NCBP1: variants seen among roughly 807,000 people sequenced by gnomAD.
NCBP1 encodes nuclear cap binding protein subunit 1, also known as nuclear cap-binding protein subunit 1.
A neutral mutation model predicts 111.7 loss-of-function variants in NCBP1; 16 were observed. That is an observed-to-expected ratio of 0.14 (90% CI 0.10 to 0.22). The LOEUF (loss-of-function observed/expected upper bound fraction) is 0.22, where lower values mean the gene tolerates loss of function less well. Among genes scored for constraint, NCBP1 ranks in the 10% least tolerant of loss-of-function variants. The probability of loss-of-function intolerance (pLI) is 1.00; values close to 1 mark genes in which losing one functional copy is unlikely to be tolerated. For missense variants in NCBP1, 607 were observed against 957.5 expected (o/e 0.63, Z 4.83); for synonymous variants, 304 against 314.3 (o/e 0.97, Z 0.35).
intron 16 of NCBP1, 105 bp from the exon 17 acceptor site, chr9:97,661,937 A>G: frequency 1.6e-6 from 1 of 612,654 alleles, no homozygotes; most frequent in Middle Eastern, 3.7e-4. Flanking sequence ...CATTACACAA[A>G]TATCTGTGTA....
At chr9:97,651,226 C>A in intron 9 of NCBP1, 84 bp from the exon 10 acceptor site, 2 of 1,144,902 alleles carry the variant, frequency 1.7e-6, no homozygotes, top group Non-Finnish European at 2.5e-6. Flanking sequence ...TTGCTTATAT[C>A]TAAACACATT....
At chr9:97,663,977 G>A (rs955492558) in intron 18 of NCBP1, among the ~76,000 whole-genome samples, 1 of 151,480 alleles carries the variant, frequency 6.6e-6, no homozygotes, top group Non-Finnish European at 1.5e-5. Flanking sequence ...CCAGGAGTTC[G>A]AGACCAGCCT....
chr9:97,650,126 A>G (rs918414290), intron 8 of NCBP1, among the ~76,000 whole-genome samples: 3 of 152,184 alleles, frequency 2.0e-5, no homozygotes, highest in African/African-American at 7.2e-5. Context: ...TTTTATGGCT[A>G]TGTGGTGTTT....
intron 13 of NCBP1, 113 bp from the exon 14 acceptor site, chr9:97,655,898 A>G (rs1193045893): frequency 3.0e-6 from 4 of 1,331,810 alleles, no homozygotes; most frequent in South Asian, 1.3e-5. Context: ...TACAAGTGCA[A>G]TTATAACTTA....
In NCBP1 at chr9:97,668,983, G is replaced by C; in HGVS notation, c.2145+9G>C. On this transcript the variant is annotated intron_variant, in intron 21 of 22. Coordinates refer to ENST00000375147, the MANE Select transcript of NCBP1 (RefSeq NM_002486.5). ...TCCTCGTTATATTTCAGGTATCTTG[G>C]CTTGGGACATTTATACATAAAAGGA... 6.3e-7 allele frequency: 1 copy of C among 1,598,706 alleles called. No individual in the cohort carries two copies.
intron 1 of NCBP1, 127 bp from the exon 2 acceptor site, chr9:97,640,667 G>A: frequency 1.5e-6 from 1 of 676,346 alleles, no homozygotes; most frequent in Non-Finnish European, 2.5e-6. Context: ...TGGAGGGTCT[G>A]TGAAGAGCTT....
intron 10 of NCBP1, among the ~76,000 whole-genome samples, chr9:97,653,408 A>G (rs1348369152): frequency 6.6e-6 from 1 of 152,194 alleles, no homozygotes; most frequent in East Asian, 1.9e-4. Flanking sequence ...GGCGTGAGCC[A>G]CTGCGCCCAG....
At chr9:97,650,661 A>G (rs1419506271) in intron 9 of NCBP1, 61 bp downstream of exon 9, 1 of 1,414,174 alleles carries the variant, frequency 7.1e-7, no homozygotes, top group Non-Finnish European at 9.9e-7. Flanking sequence ...ATAATTCAGT[A>G]AGAGCAAAAT....
At chr9:97,651,104 C>A (rs1371642522) in intron 9 of NCBP1, among the ~76,000 whole-genome samples, 6 of 152,104 alleles carry the variant, frequency 3.9e-5, no homozygotes, top group African/African-American at 1.4e-4. Flanking sequence ...TCCTTTTGAG[C>A]TTTCAAGAAA....
At chr9:97,644,492 T>G (rs1827282134) in intron 4 of NCBP1, among the ~76,000 whole-genome samples, 1 of 152,176 alleles carries the variant, frequency 6.6e-6, no homozygotes. Flanking sequence ...ATGCTTAATT[T>G]GCCTTTTAGT....
chr9:97,651,410 G>C (rs1295256689), intron 10 of NCBP1, 37 bp downstream of exon 10: 1 of 1,571,496 alleles, frequency 6.4e-7, no homozygotes, highest in Non-Finnish European at 8.7e-7. Context: ...CTGAGTTTCA[G>C]AATCTTTCTG....
At chr9:97,662,854 T>C in intron 17 of NCBP1, 100 bp from the exon 18 acceptor site, 1 of 830,014 alleles carries the variant, frequency 1.2e-6, no homozygotes, top group Non-Finnish European at 1.9e-6. Context: ...TGCATTTATA[T>C]ATTGCATTAT....
At position 97,662,998 on chromosome 9, in the gene NCBP1, A is replaced by G; in HGVS notation, c.1748A>G (p.Lys583Arg). 6.2e-7 allele frequency: 1 copy of G among 1,613,222 alleles called. No individual in the cohort carries two copies. Among genetic ancestry groups the G allele is most frequent in the East Asian group, 2.2e-5 (1 of 44,776 alleles). The change falls in exon 18 of 23, where the codon AAG becomes AGG. Residue 583 changes from lysine (K) to arginine (R), a missense_variant. Physicochemically the swap from Lys to Arg is conservative, Grantham distance 26. Coordinates refer to ENST00000375147, the MANE Select transcript of NCBP1 (RefSeq NM_002486.5). ...ACCCTAGCTGAAAGTGATGAAGGAAAGTTACATGTGCTAAGAGTTATGTTT... is the reference window on the plus strand; with the variant it reads ...ACCCTAGCTGAAAGTGATGAAGGAAGGTTACATGTGCTAAGAGTTATGTTT... ...FKTLAESDEG[K>R]LHVLRVMFEV...
At chr9:97,636,869 A>T (rs1250099848) in intron 1 of NCBP1, among the ~76,000 whole-genome samples, 1 of 151,838 alleles carries the variant, frequency 6.6e-6, no homozygotes, top group African/African-American at 2.4e-5. Context: ...TCTGTGAGGG[A>T]GAAGTTACTA....
At chr9:97,659,327 C>CT (rs1827762667) in intron 15 of NCBP1, among the ~76,000 whole-genome samples, 1 of 152,192 alleles carries the variant, frequency 6.6e-6, no homozygotes, top group African/African-American at 2.4e-5. Flanking sequence ...GCAGATTACA[C>CT]TTAACACAGC....
At chr9:97,666,943 A>C in intron 20 of NCBP1, 66 bp downstream of exon 20, 2 of 1,177,144 alleles carry the variant, frequency 1.7e-6, no homozygotes, top group Admixed American at 5.3e-5. Flanking sequence ...GAGGATTCAG[A>C]GTTCATTATC....
intron 16 of NCBP1, among the ~76,000 whole-genome samples, chr9:97,661,729 A>C (rs1265267506): frequency 7.5e-6 from 1 of 133,758 alleles, no homozygotes; most frequent in Non-Finnish European, 1.5e-5. Context: ...CATAAGCTTA[A>C]GTGTTTTTTT....
At chr9:97,638,763 T>A (rs529012642) in intron 1 of NCBP1, among the ~76,000 whole-genome samples, 9 of 152,106 alleles carry the variant, frequency 5.9e-5, no homozygotes, top group Admixed American at 4.6e-4. Context: ...GTGAGATATT[T>A]AGCAGCATGC....
chr9:97,639,399 G>C (rs1292466991), intron 1 of NCBP1, among the ~76,000 whole-genome samples: 1 of 152,140 alleles, frequency 6.6e-6, no homozygotes, highest in Admixed American at 6.5e-5. Context: ...TCCAAGCTTA[G>C]AATAGCCAGG....
Sources: allele counts gnomAD v4.1 joint callset (sites outside exome capture counted in the v4.1 genomes callset), GRCh38; gene constraint gnomAD v4.1.1; transcripts MANE v1.5; gene names NCBI Gene and HGNC (gene_info 2026-07-23, HGNC 2026-07-21).